Variants in ZNF618 observed in about 807,000 individuals in gnomAD.
The protein encoded by ZNF618 is neural precursor cell expressed, developmentally down-regulated 10.
ZNF618 carries 34 observed loss-of-function variants against 103.0 expected under a neutral mutation model. The ratio of observed to expected loss-of-function variants is 0.33; its 90% confidence interval spans 0.25 to 0.44. The LOEUF (loss-of-function observed/expected upper bound fraction) is 0.44. Among genes scored for constraint, ZNF618 ranks in the 20% least tolerant of loss-of-function variants. The probability of loss-of-function intolerance (pLI) is 1.00; values close to 1 mark genes in which losing one functional copy is unlikely to be tolerated. For missense variants in ZNF618, 1,059 were observed against 1,295.4 expected (o/e 0.82, Z 2.80); for synonymous variants, 551 against 542.2 (o/e 1.02, Z -0.23).
At chr9:114,021,270 G>C (rs1843046358) in intron 10 of ZNF618, among the ~76,000 whole-genome samples, 1 of 151,992 alleles carries the variant, frequency 6.6e-6, no homozygotes, top group Non-Finnish European at 1.5e-5. Context: ...TGTATAACTT[G>C]ATTATTTCAT....
chr9:113,923,721 G>C (rs547055036), intron 1 of ZNF618, among the ~76,000 whole-genome samples: 12 of 152,092 alleles, frequency 7.9e-5, no homozygotes, highest in African/African-American at 2.2e-4. Context: ...TTGTTCAGAA[G>C]AGACATTGGT....
chr9:114,014,889 T>C (rs1234498085), intron 9 of ZNF618, among the ~76,000 whole-genome samples: 1 of 152,132 alleles, frequency 6.6e-6, no homozygotes, highest in Non-Finnish European at 1.5e-5. Context: ...TGGAAAATAG[T>C]TTTATGTTAC....
intron 13 of ZNF618, among the ~76,000 whole-genome samples, chr9:114,042,222 C>T (rs372353465): frequency 3.3e-5 from 5 of 152,202 alleles, no homozygotes; most frequent in Non-Finnish European, 7.3e-5. Flanking sequence ...CAAAGCTAAT[C>T]GCTGTTACCA....
At chr9:114,010,935 A>AC (rs1226124122) in intron 9 of ZNF618, among the ~76,000 whole-genome samples, 7 of 151,988 alleles carry the variant, frequency 4.6e-5, no homozygotes, top group Non-Finnish European at 1.0e-4. Flanking sequence ...CTAGCTCCCT[A>AC]CCCCTTGTGA....
At position 113,990,718 on chromosome 9, in the gene ZNF618, G is replaced by A. The variant is rs115413914; in HGVS notation, c.337+2138G>A. Among the ~76,000 whole-genome samples, 999 of 152,260 alleles carry A rather than the reference G, an allele frequency of 6.6e-3. 12 individuals are homozygous for A. Among genetic ancestry groups the A allele is most frequent in the African/African-American group, 0.022 (920 of 41,528 alleles). On this transcript the variant is annotated intron_variant, in intron 3 of 14. Transcript: ENST00000374126. Reference sequence around the variant, plus strand: ...TTAATTCCGCTCACAGTCATTGGTTGGAACTAGTCACACGGCCCCACCCAA... The same window carrying A: ...TTAATTCCGCTCACAGTCATTGGTTAGAACTAGTCACACGGCCCCACCCAA...
chr9:114,013,907 A>C (rs1842453121), intron 9 of ZNF618, among the ~76,000 whole-genome samples: 1 of 152,202 alleles, frequency 6.6e-6, no homozygotes, highest in South Asian at 2.1e-4. Context: ...TTCTCCAGCA[A>C]GCTATGTTGT....
chr9:113,924,528 T>G (rs1472347153), intron 1 of ZNF618, among the ~76,000 whole-genome samples: 1 of 151,340 alleles, frequency 6.6e-6, no homozygotes, highest in African/African-American at 2.4e-5. Context: ...CTCTACTCAT[T>G]TCCTGTTTTA....
intron 3 of ZNF618, among the ~76,000 whole-genome samples, chr9:113,991,677 G>A (rs557425486): frequency 1.3e-5 from 2 of 152,326 alleles, no homozygotes; most frequent in Admixed American, 6.5e-5. Flanking sequence ...AGTCGGTGCA[G>A]GATAAGGTAT....
chr9:114,004,612 C>T lies in ZNF618; in HGVS notation c.550+1950C>T, dbSNP rs367918978. 1.3e-5 allele frequency among the ~76,000 whole-genome samples: 2 copies of T among 152,214 alleles called. 1 individual carries two copies. Among genetic ancestry groups the T allele is most frequent in the East Asian group, 3.8e-4 (2 of 5,198 alleles). On this transcript the variant is annotated intron_variant, in intron 6 of 14. Coordinates refer to ENST00000374126, the MANE Select transcript of ZNF618 (RefSeq NM_001318042.2). ...CCTTCCGTCACTTTTCCCTTCCTCC[C>T]TGTGGAGTTTCCTCCCTGCGGCCAT...
chr9:113,944,065 G>A (rs1834783832), intron 1 of ZNF618, among the ~76,000 whole-genome samples: 1 of 152,160 alleles, frequency 6.6e-6, no homozygotes, highest in African/African-American at 2.4e-5. Context: ...GGCTCCCTTT[G>A]CCCCTGCTCA....
At chr9:113,903,396 C>T (rs575716377) in intron 1 of ZNF618, among the ~76,000 whole-genome samples, 1 of 151,918 alleles carries the variant, frequency 6.6e-6, no homozygotes, top group Admixed American at 6.5e-5. Flanking sequence ...GCCATTCATA[C>T]TGTTTTACAG....
chr9:113,954,008 A>G (rs967058190), intron 1 of ZNF618, among the ~76,000 whole-genome samples: 11 of 152,152 alleles, frequency 7.2e-5, no homozygotes, highest in African/African-American at 2.7e-4. Context: ...AAGGAAGGGG[A>G]AGGGCCCTTC....
rs751004877 is a variant in ZNF618, at chr9:114,002,071, G to A, written c.509G>A (p.Arg170Gln). 9.9e-6 allele frequency: 16 copies of A among 1,612,256 alleles called. No individual in the cohort carries two copies. Among genetic ancestry groups the A allele is most frequent in the East Asian group, 2.2e-5 (1 of 44,894 alleles). Residue 170 changes from arginine (R) to glutamine (Q), a missense_variant and splice_region_variant, in exon 5 of 15, where the codon CGA (arginine) becomes CAA (glutamine). Coordinates refer to ENST00000374126, the MANE Select transcript of ZNF618 (RefSeq NM_001318042.2). ...NCFQTHVRAH[R>Q]DTEATSGEGA... is the part of the protein sequence containing the mutation. Reference sequence around the variant, plus strand: ...TTCCAGACCCACGTGCGGGCGCACCGAGGTGAGAGGAGTGTCCCTGGGGCA... The same window carrying A: ...TTCCAGACCCACGTGCGGGCGCACCAAGGTGAGAGGAGTGTCCCTGGGGCA...
At chr9:113,909,683 A>G (rs553050361) in intron 1 of ZNF618, among the ~76,000 whole-genome samples, 43 of 152,106 alleles carry the variant, frequency 2.8e-4, no homozygotes, top group Admixed American at 3.9e-4. Context: ...GGAAATGTTC[A>G]TTCCTTTCTC....
At chr9:113,878,443 T>C (rs1828163002) in intron 1 of ZNF618, among the ~76,000 whole-genome samples, 1 of 152,134 alleles carries the variant, frequency 6.6e-6, no homozygotes, top group South Asian at 2.1e-4. Flanking sequence ...CAATATTTCA[T>C]GTGGAGGTTT....
At chr9:114,010,588 C>G (rs1208753958) in intron 9 of ZNF618, among the ~76,000 whole-genome samples, 1 of 152,052 alleles carries the variant, frequency 6.6e-6, no homozygotes, top group Non-Finnish European at 1.5e-5. Context: ...CCTGTAGTCC[C>G]AGCTACTTGG....
chr9:113,935,713 A>G (rs1301302643), intron 1 of ZNF618, among the ~76,000 whole-genome samples: 2 of 152,010 alleles, frequency 1.3e-5, no homozygotes, highest in Non-Finnish European at 2.9e-5. Context: ...GTGATGATGG[A>G]TACTGTCTGG....
chr9:113,992,868 G>A lies in ZNF618; in HGVS notation c.337+4288G>A, dbSNP rs1840207217. Among the ~76,000 whole-genome samples the A allele has an allele frequency of 2.0e-5, 3 of 152,218 alleles. No homozygotes were observed. In the South Asian group the frequency reaches 6.2e-4, roughly 31 times the overall value. On this transcript the variant is annotated intron_variant, in intron 3 of 14. Coordinates refer to ENST00000374126, the MANE Select transcript of ZNF618 (RefSeq NM_001318042.2). ...CAGTGCCCAGGAGGCTGGCTGCCAAGTTCGCAATGGTTGCTGCTGCTTCCC... is the reference window on the plus strand; with the variant it reads ...CAGTGCCCAGGAGGCTGGCTGCCAAATTCGCAATGGTTGCTGCTGCTTCCC...
At chr9:113,917,156 A>G (rs1328835632) in intron 1 of ZNF618, among the ~76,000 whole-genome samples, 3 of 151,530 alleles carry the variant, frequency 2.0e-5, no homozygotes, top group Admixed American at 2.0e-4. Context: ...TTCCTTGCCC[A>G]GAATGCTCTT....
Sources: allele counts gnomAD v4.1 joint callset (sites outside exome capture counted in the v4.1 genomes callset), GRCh38; gene constraint gnomAD v4.1.1; transcripts MANE v1.5; gene names NCBI Gene and HGNC (gene_info 2026-07-23, HGNC 2026-07-21).